Variants in PINX1 observed in about 807,000 individuals in gnomAD.
The protein encoded by PINX1 is PIN2/TERF1-interacting telomerase inhibitor 1.
In PINX1, 34 loss-of-function variants were observed where a neutral mutation model predicts 25.4. The observed-to-expected ratio is 1.34, with a 90% confidence interval of 1.02 to 1.78. The LOEUF (loss-of-function observed/expected upper bound fraction) is 1.78, where lower values mean the gene tolerates loss of function less well. Ranked by LOEUF, PINX1 falls within the 40% of genes most tolerant of loss-of-function variation. The probability of loss-of-function intolerance (pLI) is 0.00; values close to 1 mark genes in which losing one functional copy is unlikely to be tolerated. For synonymous variants in PINX1, 197 were observed against 147.7 expected (o/e 1.33, Z -2.42); for missense variants, 592 against 404.9 (o/e 1.46, Z -3.97).
intron 6 of PINX1, among the ~76,000 whole-genome samples, chr8:10,788,281 G>C (rs970598777): frequency 1.3e-5 from 2 of 152,164 alleles, no homozygotes; most frequent in African/African-American, 4.8e-5. Context: ...GTGAATGTAG[G>C]CTAGACACAG....
chr8:10,765,835 G>A lies in PINX1; in HGVS notation c.553C>T (p.Arg185Trp), dbSNP rs949728198. 1.7e-5 allele frequency: 27 copies of A among 1,613,778 alleles called. No individual in the cohort carries two copies. Among genetic ancestry groups the A allele is most frequent in the Admixed American group, 1.2e-4 (7 of 60,012 alleles). The change falls in exon 7 of 7, where the codon CGG becomes TGG. Residue 185 changes from arginine (R) to tryptophan (W), a missense_variant. Arg to Trp is a moderately radical substitution (Grantham distance 101). Transcript: ENST00000314787. ...GGCTTGTTCTTCAGTGCTGCCATCCGCTTGGCAAAGTACTCCTGGATGGTG... is the reference window on the plus strand; with the variant it reads ...GGCTTGTTCTTCAGTGCTGCCATCCACTTGGCAAAGTACTCCTGGATGGTG... ...AFTIQEYFAK[R>W]MAALKNKPQV...
intron 6 of PINX1, among the ~76,000 whole-genome samples, chr8:10,811,341 A>G (rs552551732): frequency 3.9e-5 from 6 of 152,324 alleles, no homozygotes; most frequent in Admixed American, 2.0e-4. Flanking sequence ...AGAGTAGAAC[A>G]TTCATTAGAT....
chr8:10,827,125 G>T (rs1000359312), intron 4 of PINX1, among the ~76,000 whole-genome samples: 2 of 152,346 alleles, frequency 1.3e-5, no homozygotes, highest in East Asian at 3.9e-4. Flanking sequence ...GGGGAAAGAC[G>T]TTCAGGACTC....
intron 6 of PINX1, among the ~76,000 whole-genome samples, chr8:10,819,626 T>C (rs1171407339): frequency 6.6e-6 from 1 of 152,260 alleles, no homozygotes; most frequent in Non-Finnish European, 1.5e-5. Flanking sequence ...ATGGAGTTCA[T>C]TCCATTGAGG....
intron 6 of PINX1, among the ~76,000 whole-genome samples, chr8:10,793,194 C>T (rs1401976784): frequency 1.3e-5 from 2 of 152,216 alleles, no homozygotes; most frequent in Admixed American, 6.5e-5. Context: ...AAGTCTGTAA[C>T]TCCTAGTGTC....
intron 5 of PINX1, among the ~76,000 whole-genome samples, chr8:10,823,935 TC>T (rs959653731): frequency 9.8e-5 from 15 of 152,350 alleles, no homozygotes; most frequent in African/African-American, 3.6e-4. Flanking sequence ...TCTTCACTCT[TC>T]CCAAGCTATG....
chr8:10,789,735 C>G (rs1042040429), intron 6 of PINX1, among the ~76,000 whole-genome samples: 1 of 152,150 alleles, frequency 6.6e-6, no homozygotes, highest in Non-Finnish European at 1.5e-5. Context: ...TTGTCCGTAT[C>G]CGATGACCCT....
intron 4 of PINX1, among the ~76,000 whole-genome samples, chr8:10,828,370 C>G (rs1036068744): frequency 6.6e-6 from 1 of 152,178 alleles, no homozygotes; most frequent in African/African-American, 2.4e-5. Flanking sequence ...GTATGAGGGA[C>G]GAGGCGCTGG....
At chr8:10,786,018 C>T (rs901949492) in intron 6 of PINX1, among the ~76,000 whole-genome samples, 2 of 152,222 alleles carry the variant, frequency 1.3e-5, no homozygotes, top group Non-Finnish European at 2.9e-5. Flanking sequence ...AGCTAGACCA[C>T]GGTGAGTAAA....
chr8:10,834,698 T>G lies in PINX1; in HGVS notation c.97A>C (p.Met33Leu). 6.2e-7 allele frequency: 1 copy of G among 1,613,936 alleles called. No individual in the cohort carries two copies. The highest frequency in any genetic ancestry group is 8.5e-7 in the Non-Finnish European group (1 of 1,179,834). Residue 33 changes from methionine (M) to leucine (L), a missense_variant, in exon 2 of 7, where the codon ATG (methionine) becomes CTG (leucine). Met to Leu is a conservative substitution (Grantham distance 15). Coordinates refer to ENST00000314787, the MANE Select transcript of PINX1 (RefSeq NM_017884.6). ...SNDDSKFGQR[M>L]LEKMGWSKGK... ...TTAGACCACCCCATCTTCTCTAGCA[T>G]CCGCTGGCCAAACTTGGAATCGTCA...
intron 6 of PINX1, among the ~76,000 whole-genome samples, chr8:10,788,610 A>G (rs1325245043): frequency 2.6e-5 from 4 of 152,170 alleles, no homozygotes; most frequent in Non-Finnish European, 4.4e-5. Context: ...TATTGGTATA[A>G]TATCATTAGA....
intron 3 of PINX1, 116 bp from the exon 4 acceptor site, chr8:10,831,859 C>A: frequency 1.5e-6 from 1 of 656,144 alleles, no homozygotes; most frequent in Non-Finnish European, 2.8e-6. Context: ...TTTAAATGTT[C>A]CATCAAAATA....
At chr8:10,774,025 T>A (rs1365826025) in intron 6 of PINX1, among the ~76,000 whole-genome samples, 5 of 152,150 alleles carry the variant, frequency 3.3e-5, no homozygotes, top group Admixed American at 3.3e-4. Context: ...TAATTCCAGG[T>A]CAAATCGTTC....
At chr8:10,829,780 G>C (rs1255557351) in intron 4 of PINX1, among the ~76,000 whole-genome samples, 1 of 152,016 alleles carries the variant, frequency 6.6e-6, no homozygotes, top group Non-Finnish European at 1.5e-5. Flanking sequence ...CCGCCTCCCA[G>C]GTTCAAGCGA....
At chr8:10,822,472 T>A (rs530145974) in intron 5 of PINX1, among the ~76,000 whole-genome samples, 5 of 152,320 alleles carry the variant, frequency 3.3e-5, no homozygotes, top group African/African-American at 1.2e-4. Context: ...CCAGAACCAG[T>A]AAGAAAGGCC....
intron 5 of PINX1, among the ~76,000 whole-genome samples, chr8:10,823,965 T>A (rs1401982252): frequency 6.6e-6 from 1 of 152,248 alleles, no homozygotes; most frequent in Non-Finnish European, 1.5e-5. Flanking sequence ...CATCTTCCTG[T>A]TTGATTTCCT....
At chr8:10,825,590 A>T in intron 5 of PINX1, 1 of 392,954 alleles carries the variant, frequency 2.5e-6, no homozygotes, top group Non-Finnish European at 5.2e-6. Context: ...GTGATGAAGG[A>T]ATAGGAATTC....
At chr8:10,768,849 T>G (rs1231345473) in intron 6 of PINX1, among the ~76,000 whole-genome samples, 1 of 152,228 alleles carries the variant, frequency 6.6e-6, no homozygotes, top group African/African-American at 2.4e-5. Context: ...TAGATACATC[T>G]TTTCAAGAAA....
At chr8:10,784,258 A>G (rs1335970680) in intron 6 of PINX1, among the ~76,000 whole-genome samples, 1 of 152,230 alleles carries the variant, frequency 6.6e-6, no homozygotes, top group Non-Finnish European at 1.5e-5. Context: ...GAATAATATC[A>G]CTGTTTTACT....
Sources: gnomAD v4.1 joint callset for allele counts (sites outside exome capture counted in the v4.1 genomes callset) on GRCh38, gnomAD v4.1.1 for gene constraint, MANE v1.5 for transcripts, NCBI Gene and HGNC (gene_info 2026-07-23, HGNC 2026-07-21) for gene names.